Variants in BBOX1 observed in about 807,000 individuals in gnomAD.
BBOX1 encodes the protein gamma-butyrobetaine dioxygenase.
In BBOX1, 35 loss-of-function variants were observed where a neutral mutation model predicts 41.6. The observed-to-expected ratio is 0.84, with a 90% CI of 0.64 to 1.11. The LOEUF (loss-of-function observed/expected upper bound fraction) is 1.11. Ranked by LOEUF, BBOX1 falls within the 50% of genes most tolerant of loss-of-function variation. The pLI, the probability that BBOX1 is intolerant of heterozygous loss-of-function variation, is 0.00. For missense variants in BBOX1, 458 were observed against 460.6 expected, an observed-to-expected ratio of 0.99 and a Z score of 0.05; for synonymous variants, 163 against 154.7, an observed-to-expected ratio of 1.05 and a Z score of -0.40.
chr11:27,053,506 C>T (rs1003249216), intron 2 of BBOX1, among the ~76,000 whole-genome samples: 7 of 152,178 alleles, frequency 4.6e-5, no homozygotes, highest in African/African-American at 1.7e-4. Context: ...TGCCGTCCGG[C>T]ATTTTACAGA....
At chr11:27,067,383 C>T (rs759903282) in intron 4 of BBOX1, among the ~76,000 whole-genome samples, 11 of 152,074 alleles carry the variant, frequency 7.2e-5, no homozygotes, top group Non-Finnish European at 1.5e-4. Flanking sequence ...CTCACGCTCC[C>T]ACTTCTGAGT....
chr11:27,076,619 G>T (rs929986760), intron 4 of BBOX1, among the ~76,000 whole-genome samples: 1 of 152,090 alleles, frequency 6.6e-6, no homozygotes, highest in African/African-American at 2.4e-5. Context: ...ACAATGAGTG[G>T]GGCCATAAAG....
At chr11:27,083,451 G>T (rs773691563) in intron 4 of BBOX1, among the ~76,000 whole-genome samples, 2 of 151,942 alleles carry the variant, frequency 1.3e-5, no homozygotes, top group Admixed American at 6.6e-5. Flanking sequence ...TCTAGCCTTG[G>T]TGACTGAGTT....
intron 2 of BBOX1, among the ~76,000 whole-genome samples, chr11:27,048,838 C>T (rs1851575131): frequency 6.7e-6 from 1 of 148,678 alleles, no homozygotes; most frequent in African/African-American, 2.5e-5. Context: ...TGCTGGTGCG[C>T]TGCACCCACT....
At chr11:27,095,808 T>C (rs1377810177) in intron 5 of BBOX1, among the ~76,000 whole-genome samples, 1 of 152,022 alleles carries the variant, frequency 6.6e-6, no homozygotes, top group East Asian at 1.9e-4. Flanking sequence ...ATATTTTCTC[T>C]AACATTGTCC....
At chr11:27,092,803 A>G (rs1195355887) in intron 4 of BBOX1, among the ~76,000 whole-genome samples, 1 of 151,992 alleles carries the variant, frequency 6.6e-6, no homozygotes, top group Non-Finnish European at 1.5e-5. Context: ...GTTGAGCAAT[A>G]TAACTTGGCT....
At chr11:27,096,764 G>A (rs1189505751) in intron 5 of BBOX1, among the ~76,000 whole-genome samples, 13 of 151,848 alleles carry the variant, frequency 8.6e-5, no homozygotes, top group African/African-American at 3.1e-4. Context: ...CAGAAGGCAA[G>A]GAATAAATGT....
In BBOX1 at chr11:27,119,831, A is replaced by G. The variant is rs1184312305; in HGVS notation, c.822A>G (p.Lys274=). Reference sequence around the variant, plus strand: ...ACTGTGATTTTTCTGTACAATCAAAACATAAAATTATAGAGTAAGTACTAT... The same window carrying G: ...ACTGTGATTTTTCTGTACAATCAAAGCATAAAATTATAGAGTAAGTACTAT... ...VDYCDFSVQS[K]HKIIELDDKG... Residue 274 remains lysine, a synonymous_variant, in exon 7 of 9, where the codon AAA becomes AAG. Transcript: ENST00000263182. 6.6e-7 allele frequency: 1 copy of G among 1,517,524 alleles called. No individual in the cohort carries two copies. The highest frequency in any genetic ancestry group is 2.2e-5 in the Admixed American group (1 of 45,102). The allele number at this position is 1,517,524 out of a possible 1,614,324, so 94.0% of individuals were successfully genotyped here.
intron 2 of BBOX1, among the ~76,000 whole-genome samples, chr11:27,046,950 A>T (rs1015607763): frequency 2.0e-5 from 3 of 151,892 alleles, no homozygotes; most frequent in Admixed American, 2.0e-4. Flanking sequence ...CATTTGCCCC[A>T]GTAGACCTTT....
intron 6 of BBOX1, among the ~76,000 whole-genome samples, chr11:27,115,763 AAACAACAAC>A (rs542428675): frequency 9.9e-5 from 15 of 152,012 alleles, no homozygotes; most frequent in Non-Finnish European, 1.8e-4. Flanking sequence ...CATTCATTTA[AAACAACAAC>A]AACAACAACA....
intron 5 of BBOX1, among the ~76,000 whole-genome samples, chr11:27,098,162 C>T (rs1334852620): frequency 2.0e-4 from 30 of 151,900 alleles, no homozygotes; most frequent in Admixed American, 2.0e-3. Context: ...GCTTTTTGGC[C>T]TTTCTTGCCC....
chr11:27,076,076 T>C (rs551071514), intron 4 of BBOX1, among the ~76,000 whole-genome samples: 1 of 152,308 alleles, frequency 6.6e-6, no homozygotes, highest in African/African-American at 2.4e-5. Flanking sequence ...ATGTGGTACA[T>C]TCACTCTCCG....
At chr11:27,076,085 C>T (rs762645700) in intron 4 of BBOX1, among the ~76,000 whole-genome samples, 9 of 152,274 alleles carry the variant, frequency 5.9e-5, no homozygotes, top group Middle Eastern at 3.4e-3. Flanking sequence ...ATTCACTCTC[C>T]GCCTAGGAGT....
At chr11:27,073,286 T>C (rs1374649159) in intron 4 of BBOX1, among the ~76,000 whole-genome samples, 2 of 152,218 alleles carry the variant, frequency 1.3e-5, no homozygotes, top group Admixed American at 6.5e-5. Flanking sequence ...AGAAGACATT[T>C]ATGCAGCCAA....
intron 2 of BBOX1, among the ~76,000 whole-genome samples, chr11:27,050,913 C>G (rs1851651371): frequency 6.6e-6 from 1 of 151,952 alleles, no homozygotes; most frequent in African/African-American, 2.4e-5. Flanking sequence ...GTCTTGTTCC[C>G]AATCTTAGAG....
intron 8 of BBOX1, among the ~76,000 whole-genome samples, chr11:27,126,642 A>C (rs1859662771): frequency 6.6e-6 from 1 of 151,804 alleles, no homozygotes; most frequent in Admixed American, 6.6e-5. Flanking sequence ...TATTTTCTGA[A>C]GCTGTTAAAC....
chr11:27,102,667 C>A (rs1264261782), intron 5 of BBOX1, among the ~76,000 whole-genome samples: 1 of 152,194 alleles, frequency 6.6e-6, no homozygotes, highest in African/African-American at 2.4e-5. Context: ...CTGCTCAGCA[C>A]CAAACTTAGC....
intron 5 of BBOX1, among the ~76,000 whole-genome samples, chr11:27,114,856 T>C (rs1308986033): frequency 2.6e-5 from 4 of 151,872 alleles, no homozygotes; most frequent in African/African-American, 9.7e-5. Context: ...TTCTTAGATA[T>C]AACATTAAAA....
chr11:27,054,234 T>TGTGC (rs1491475061), intron 2 of BBOX1, among the ~76,000 whole-genome samples: 32 of 148,300 alleles, frequency 2.2e-4, no homozygotes, highest in East Asian at 1.6e-3. Context: ...TGTGTGTGTG[T>TGTGC]GCGTGCACAT....
Sources: allele counts gnomAD v4.1 joint callset (sites outside exome capture counted in the v4.1 genomes callset), GRCh38; gene constraint gnomAD v4.1.1; transcripts MANE v1.5; gene names NCBI Gene and HGNC (gene_info 2026-07-23, HGNC 2026-07-21).